MTCL3: variants seen among roughly 807,000 people sequenced by gnomAD.
MTCL3 encodes microtubule cross-linking factor 3.
At chr6:127,476,499 G>A in the MTCL3 span, 1 of 1,496,174 alleles carries the variant, frequency 6.7e-7, no homozygotes, top group Non-Finnish European at 9.0e-7. This position sits in a 1 kb window ranked among gnomAD's most constrained non-coding sequence, Gnocchi z 4.4. Flanking sequence ...GAAAAGGATA[G>A]GAGATCATTT....
At chr6:127,514,153 C>A in the MTCL3 span, among the ~76,000 whole-genome samples, 1 of 152,192 alleles carries the variant, frequency 6.6e-6, no homozygotes, top group South Asian at 2.1e-4. Context: ...CTAGAAAATG[C>A]ACTTCAAGGT....
chr6:127,518,654 G>A, the MTCL3 span: 1 of 152,362 alleles, frequency 6.6e-6, no homozygotes, highest in East Asian at 1.9e-4. Context: ...GGGGATCTCA[G>A]GGTTTATTAT....
At chr6:127,481,507 G>T in the MTCL3 span, 1 of 980,890 alleles carries the variant, frequency 1.0e-6, no homozygotes, top group Non-Finnish European at 1.2e-6. Context: ...AACAGAGCAG[G>T]TACAGAGAGG....
the MTCL3 span, among the ~76,000 whole-genome samples, chr6:127,508,512 A>G: frequency 1.3e-5 from 2 of 152,212 alleles, no homozygotes; most frequent in Non-Finnish European, 2.9e-5. Context: ...TAAAAGTCCA[A>G]GATAGATGGT....
At chr6:127,476,018 TCTGCTC>T in the MTCL3 span, 1 of 1,611,328 alleles carries the variant, frequency 6.2e-7, no homozygotes, top group Non-Finnish European at 8.5e-7. The surrounding 1 kb of genome is among the most constrained non-coding windows in gnomAD (Gnocchi z 4.4). Flanking sequence ...ATGCGCTTGT[TCTGCTC>T]CTCCAGGTCG....
At chr6:127,479,944 G>T in the MTCL3 span, among the ~76,000 whole-genome samples, 4 of 152,110 alleles carry the variant, frequency 2.6e-5, no homozygotes, top group Admixed American at 2.6e-4. Flanking sequence ...CAAAGTGCCT[G>T]GTCCACAGTA....
At chr6:127,516,190 G>A in the MTCL3 span, 3 of 1,431,180 alleles carry the variant, frequency 2.1e-6, no homozygotes, top group Non-Finnish European at 2.7e-6. Context: ...CTCCTCGGGC[G>A]GTCCGGGCCT....
At chr6:127,475,478 C>T in the MTCL3 span, 1 of 1,613,542 alleles carries the variant, frequency 6.2e-7, no homozygotes, top group Non-Finnish European at 8.5e-7. The surrounding 1 kb of genome is among the most constrained non-coding windows in gnomAD (Gnocchi z 7.3). Context: ...AACAGGTCCC[C>T]GTTGGCCACG....
At chr6:127,483,086 A>G in the MTCL3 span, 1 of 900,308 alleles carries the variant, frequency 1.1e-6, no homozygotes, top group Non-Finnish European at 1.6e-6. Context: ...CAAGACAAAT[A>G]AAAAGAGTTA....
the MTCL3 span, chr6:127,516,206 C>A: frequency 7.0e-7 from 1 of 1,432,698 alleles, no homozygotes; most frequent in Non-Finnish European, 9.1e-7. Flanking sequence ...GGCCTCCTGC[C>A]GCCCAAAGCG....
At chr6:127,513,062 G>A in the MTCL3 span, 5 of 1,590,314 alleles carry the variant, frequency 3.1e-6, no homozygotes, top group Non-Finnish European at 2.6e-6. Context: ...GAATTAAGGT[G>A]TTTGTAACAA....
At chr6:127,478,746 C>T in the MTCL3 span, among the ~76,000 whole-genome samples, 5 of 151,988 alleles carry the variant, frequency 3.3e-5, 1 homozygote, top group East Asian at 5.8e-4. Context: ...TGGCCAGGCG[C>T]GGTCACTCAT....
the MTCL3 span, chr6:127,483,093 G>T: frequency 1.2e-6 from 1 of 842,784 alleles, no homozygotes; most frequent in Non-Finnish European, 1.8e-6. Flanking sequence ...AATAAAAAGA[G>T]TTAGTTCAAT....
the MTCL3 span, chr6:127,515,130 C>A: frequency 3.2e-6 from 4 of 1,245,756 alleles, no homozygotes; most frequent in South Asian, 4.9e-5. This position sits in a 1 kb window ranked among gnomAD's most constrained non-coding sequence, Gnocchi z 4.3. Flanking sequence ...CATTCCAATT[C>A]CAAATTCTCA....
At chr6:127,475,284 GA>G in the MTCL3 span, 1 of 1,594,010 alleles carries the variant, frequency 6.3e-7, no homozygotes, top group Non-Finnish European at 8.6e-7. This position sits in a 1 kb window ranked among gnomAD's most constrained non-coding sequence, Gnocchi z 7.3. Context: ...GCAATAGGCA[GA>G]ACTGTACCTG....
At chr6:127,476,857 A>G in the MTCL3 span, among the ~76,000 whole-genome samples, 1 of 152,236 alleles carries the variant, frequency 6.6e-6, no homozygotes, top group Non-Finnish European at 1.5e-5. The surrounding 1 kb of genome is among the most constrained non-coding windows in gnomAD (Gnocchi z 4.4). Context: ...ATTTGCGGCC[A>G]CTTTTTTGTC....
At chr6:127,515,527 T>C in the MTCL3 span, 1 of 1,453,738 alleles carries the variant, frequency 6.9e-7, no homozygotes, top group Non-Finnish European at 9.0e-7. This position sits in a 1 kb window ranked among gnomAD's most constrained non-coding sequence, Gnocchi z 4.3. Context: ...GAGAGTCTCG[T>C]TTTCCTCTCG....
chr6:127,475,246 C>T, the MTCL3 span: 4 of 1,529,882 alleles, frequency 2.6e-6, no homozygotes, highest in South Asian at 5.1e-5. This position sits in a 1 kb window ranked among gnomAD's most constrained non-coding sequence, Gnocchi z 7.3. Flanking sequence ...CGCGGCTCCA[C>T]GGGCCAGCCT....
chr6:127,515,182 G>A, the MTCL3 span: 1 of 845,776 alleles, frequency 1.2e-6, no homozygotes, highest in Non-Finnish European at 1.9e-6. The surrounding 1 kb of genome is among the most constrained non-coding windows in gnomAD (Gnocchi z 4.3). Flanking sequence ...GAGTGACAAG[G>A]AGCTGAGTAC....
Sources: allele counts gnomAD v4.1 joint callset (sites outside exome capture counted in the v4.1 genomes callset), GRCh38; gene constraint gnomAD v4.1.1; non-coding constraint Gnocchi (gnomAD v3.1); transcripts MANE v1.5; gene names NCBI Gene and HGNC (gene_info 2026-07-23, HGNC 2026-07-21).